TBX15: variants seen among roughly 807,000 people sequenced by gnomAD.
The protein encoded by TBX15 is T-box transcription factor TBX15.
In TBX15, 18 loss-of-function variants were observed where a neutral mutation model predicts 53.9. The observed-to-expected ratio is 0.33, with a 90% CI of 0.23 to 0.49. TBX15 has a LOEUF of 0.49. TBX15 is among the 20% of genes least tolerant of loss of function. The pLI, the probability that TBX15 is intolerant of heterozygous loss-of-function variation, is 0.98. For missense variants in TBX15, 692 were observed against 749.5 expected, an observed-to-expected ratio of 0.92 and a Z score of 0.90; for synonymous variants, 295 against 278.0, an observed-to-expected ratio of 1.06 and a Z score of -0.61.
At chr1:118,936,803 C>A (rs1218840881) in intron 1 of TBX15, among the ~76,000 whole-genome samples, 1 of 152,146 alleles carries the variant, frequency 6.6e-6, no homozygotes, top group Non-Finnish European at 1.5e-5. Context: ...ATGCCAGAGT[C>A]CAGGTTACAT....
chr1:118,923,735 A>G, intron 4 of TBX15, 132 bp from the exon 5 acceptor site: 2 of 1,065,586 alleles, frequency 1.9e-6, no homozygotes, highest in Non-Finnish European at 2.8e-6. Context: ...ACAGAAAACT[A>G]GAAATCAGTA....
chr1:118,954,648 T>A (rs2101663306), intron 1 of TBX15, among the ~76,000 whole-genome samples: 1 of 152,278 alleles, frequency 6.6e-6, no homozygotes, highest in East Asian at 1.9e-4. Context: ...TTACCCAAAA[T>A]AGCAAGGGAG....
At chr1:118,914,017 A>T (rs1655108999) in intron 6 of TBX15, 98 bp downstream of exon 6, 1 of 1,175,280 alleles carries the variant, frequency 8.5e-7, no homozygotes, top group African/African-American at 1.5e-5. Flanking sequence ...CGGAGCATAC[A>T]GGTGTTTTCT....
At chr1:118,940,734 A>T (rs1401137881) in intron 1 of TBX15, among the ~76,000 whole-genome samples, 24 of 150,612 alleles carry the variant, frequency 1.6e-4, no homozygotes, top group Non-Finnish European at 2.1e-4. Context: ...AAACAAAAAA[A>T]AATAAATAAA....
chr1:118,953,210 C>G (rs1335245324), intron 1 of TBX15, among the ~76,000 whole-genome samples: 1 of 152,184 alleles, frequency 6.6e-6, no homozygotes, highest in East Asian at 1.9e-4. Flanking sequence ...GAACCTAACC[C>G]TCATAAATGA....
At position 118,987,776 on chromosome 1, in the gene TBX15, G is replaced by C; in HGVS notation, c.20C>G (p.Ser7Cys). 6.5e-7 allele frequency: 1 copy of C among 1,550,066 alleles called. No individual in the cohort carries two copies. Among genetic ancestry groups the C allele is most frequent in the Non-Finnish European group, 8.7e-7 (1 of 1,146,818 alleles). ...TGCTCGCGAGCTCAGGGCGACTGCA[G>C]ATCTTCTCCTTTCACTCATTTTAGC... MSERRR[S>C]AVALSSRAHA... Residue 7 changes from serine (S) to cysteine (C), a missense_variant, in exon 1 of 8, where the codon TCT (serine) becomes TGT (cysteine). Ser to Cys is a moderately radical substitution (Grantham distance 112, BLOSUM62 -1). This residue lies in a region of TBX15 where 307 missense variants were observed against 347.5 expected (regional missense o/e 0.88). Coordinates refer to ENST00000369429, the MANE Select transcript of TBX15 (RefSeq NM_001330677.2).
chr1:118,973,787 C>CACAT (rs372446681), intron 1 of TBX15, among the ~76,000 whole-genome samples: 2 of 152,092 alleles, frequency 1.3e-5, no homozygotes, highest in African/African-American at 4.8e-5. Flanking sequence ...CACACACACA[C>CACAT]GCACACACAC....
rs189969716 is a variant in TBX15, at chr1:118,914,327, A to G, written c.862-148T>C. ...AGCTCAAGATTTAATTTGAAGCTGG[A>G]TATAGAACTTGGCCTGGCACACAGA... On this transcript the variant is annotated intron_variant, in intron 5 of 7. Coordinates refer to ENST00000369429, the MANE Select transcript of TBX15 (RefSeq NM_001330677.2). The G allele has an allele frequency of 1.5e-4, 123 of 840,544 alleles. No individual in the cohort carries two copies. The African/African-American group carries it at 1.9e-3, about 13-fold the overall frequency. The allele number at this position is 840,544 out of a possible 1,614,324, so 52.1% of individuals were successfully genotyped here.
At position 118,885,217 on chromosome 1, in the gene TBX15, T is replaced by C. The variant is rs1456505569; in HGVS notation, c.1324A>G (p.Arg442Gly). ...ATTCCTGAGATCAGGGATGGAGTCCTCTGAGGCATGAAGGTTTCAGAGGGC... is the reference window on the plus strand; with the variant it reads ...ATTCCTGAGATCAGGGATGGAGTCCCCTGAGGCATGAAGGTTTCAGAGGGC... ...TQPSETFMPQRTPSLISGIPT... is the reference protein window; with the variant it reads ...TQPSETFMPQGTPSLISGIPT... Residue 442 changes from arginine to glycine, a missense_variant, in exon 8 of 8, where the codon AGG becomes GGG. Coordinates refer to ENST00000369429, the MANE Select transcript of TBX15 (RefSeq NM_001330677.2). The C allele has an allele frequency of 6.2e-6, 10 of 1,614,042 alleles. No homozygotes were observed. Among genetic ancestry groups the C allele is most frequent in the Admixed American group, 1.7e-5 (1 of 60,002 alleles).
At chr1:118,955,122 C>G (rs2101664435) in intron 1 of TBX15, among the ~76,000 whole-genome samples, 1 of 152,320 alleles carries the variant, frequency 6.6e-6, no homozygotes, top group African/African-American at 2.4e-5. Flanking sequence ...CTAAGTTTGC[C>G]TATACCTCAC....
At chr1:118,961,354 T>G (rs1411368667) in intron 1 of TBX15, among the ~76,000 whole-genome samples, 1 of 152,066 alleles carries the variant, frequency 6.6e-6, no homozygotes, top group East Asian at 1.9e-4. Context: ...ATGATGAGAG[T>G]GTGATTCATT....
intron 7 of TBX15, among the ~76,000 whole-genome samples, chr1:118,898,765 TATC>T (rs1557875279): frequency 6.6e-6 from 1 of 152,194 alleles, no homozygotes; most frequent in Non-Finnish European, 1.5e-5. Flanking sequence ...TTAATAATAA[TATC>T]ATCATCATTA....
In TBX15 at chr1:118,970,501, A is replaced by ATAG. The variant is rs146062854; in HGVS notation, c.205+17087_205+17089dup. ...TTGCAAGTCATGAAAAGCAACTGGC[A>ATAG]TAGTAGTCAGAACATCTCTTTCCAA... is the stretch of plus-strand genomic sequence containing the variant. On this transcript the variant is annotated intron_variant, in intron 1 of 7. Coordinates refer to ENST00000369429, the MANE Select transcript of TBX15 (RefSeq NM_001330677.2). Among the ~76,000 whole-genome samples, 1,513 of 152,344 alleles carry ATAG rather than the reference A, an allele frequency of 9.9e-3. 22 individuals carry two copies. Among genetic ancestry groups the ATAG allele is most frequent in the African/African-American group, 0.035 (1,461 of 41,578 alleles).
In TBX15 at chr1:118,885,195, C is replaced by G; in HGVS notation, c.1346G>C (p.Gly449Ala). 1 of 1,614,154 alleles carries G rather than the reference C, an allele frequency of 6.2e-7. No homozygotes were observed. ...AGGCAACGAGGGAGGAGTTGGTATT[C>G]CTGAGATCAGGGATGGAGTCCTCTG... The part of the protein sequence containing the change: ...MPQRTPSLIS[G>A]IPTPPSLPGN... Residue 449 changes from glycine (G) to alanine (A), a missense_variant, in exon 8 of 8, where the codon GGA (glycine) becomes GCA (alanine). Around this residue, in one of 3 missense-constraint regions of TBX15, gnomAD observed 375 missense variants for 371.6 expected, o/e 1.01. Transcript: ENST00000369429.
chr1:118,932,682 A>C (rs1349788340), intron 1 of TBX15, among the ~76,000 whole-genome samples: 2 of 152,032 alleles, frequency 1.3e-5, no homozygotes, highest in East Asian at 1.9e-4. Flanking sequence ...TGTCTTCTGT[A>C]CTCATGAAGA....
At chr1:118,924,875 C>A in intron 3 of TBX15, 58 bp from the exon 4 acceptor site, 4 of 1,595,104 alleles carry the variant, frequency 2.5e-6, no homozygotes, top group Non-Finnish European at 3.4e-6. Context: ...GGGACAGAGG[C>A]CCAGGAAACA....
chr1:118,939,510 C>T (rs968188566), intron 1 of TBX15, among the ~76,000 whole-genome samples: 3 of 141,774 alleles, frequency 2.1e-5, no homozygotes, highest in African/African-American at 7.9e-5. Context: ...CACACATGGA[C>T]ATAAATACAG....
chr1:118,959,969 A>G (rs1656813397), intron 1 of TBX15, among the ~76,000 whole-genome samples: 1 of 151,804 alleles, frequency 6.6e-6, no homozygotes, highest in Non-Finnish European at 1.5e-5. Flanking sequence ...TCTCTCCTGC[A>G]CTCCAAGAAA....
intron 6 of TBX15, among the ~76,000 whole-genome samples, chr1:118,907,199 T>C (rs1326459464): frequency 6.6e-6 from 1 of 152,182 alleles, no homozygotes; most frequent in Non-Finnish European, 1.5e-5. Flanking sequence ...CTGTGTCAGA[T>C]GGGACAGTCC....
Sources: gnomAD v4.1 joint callset for allele counts (sites outside exome capture counted in the v4.1 genomes callset) on GRCh38, gnomAD v4.1.1 for gene constraint, gnomAD v4.1.1 regional missense constraint, MANE v1.5 for transcripts, NCBI Gene and HGNC (gene_info 2026-07-23, HGNC 2026-07-21) for gene names.